The following ITPK1 variants were observed in gnomAD, a reference collection of about 807,000 sequenced individuals.
ITPK1 encodes inositol-tetrakisphosphate 1-kinase, also known as inositol 1,3,4-trisphosphate 5/6-kinase.
In ITPK1, 21 loss-of-function variants were observed where a neutral mutation model predicts 45.3. The observed-to-expected ratio is 0.46, with a 90% CI of 0.33 to 0.67. The LOEUF is 0.67. ITPK1 is among the 30% of genes least tolerant of loss of function. ITPK1 has a pLI of 0.02. For missense variants in ITPK1, 474 were observed against 573.5 expected, an observed-to-expected ratio of 0.83 and a Z score of 1.77; for synonymous variants, 258 against 253.6, an observed-to-expected ratio of 1.02 and a Z score of -0.16.
intron 2 of ITPK1, among the ~76,000 whole-genome samples, chr14:93,082,495 G>C (rs1891477813): frequency 6.6e-6 from 1 of 152,212 alleles, no homozygotes; most frequent in South Asian, 2.1e-4. Flanking sequence ...GAGAATCCTA[G>C]AACTCATCCC....
intron 3 of ITPK1, among the ~76,000 whole-genome samples, chr14:93,053,516 G>A (rs970793529): frequency 2.0e-5 from 3 of 152,258 alleles, no homozygotes; most frequent in African/African-American, 4.8e-5. Context: ...GCGGTGCAGA[G>A]GACTTTCACG....
intron 5 of ITPK1, among the ~76,000 whole-genome samples, chr14:92,986,698 CT>C (rs1372081776): frequency 6.6e-6 from 1 of 152,130 alleles, no homozygotes; most frequent in Non-Finnish European, 1.5e-5. Context: ...GAGGGGCCTT[CT>C]TGTTTTGCTG....
chr14:93,075,876 G>A (rs965470562), intron 3 of ITPK1, among the ~76,000 whole-genome samples: 1 of 152,136 alleles, frequency 6.6e-6, no homozygotes, highest in African/African-American at 2.4e-5. Flanking sequence ...CACCCTCCAC[G>A]GGGACAGCGT....
intron 10 of ITPK1, among the ~76,000 whole-genome samples, chr14:92,945,306 G>A (rs115876597): frequency 0.024 from 3,720 of 152,334 alleles, 147 homozygotes; most frequent in African/African-American, 0.085. Context: ...CTGCGCCTGC[G>A]CATGCTCTCA....
chr14:92,972,680 C>G lies in ITPK1; in HGVS notation c.365-9831G>C, dbSNP rs532953553. Among the ~76,000 whole-genome samples, 27 of 152,314 alleles carry G rather than the reference C, an allele frequency of 1.8e-4. No individual in the cohort carries two copies. The East Asian group carries it at 4.8e-3, about 27-fold the overall frequency. On this transcript the variant is annotated intron_variant, in intron 5 of 10. Coordinates refer to ENST00000267615, the MANE Select transcript of ITPK1 (RefSeq NM_014216.6). ...GATCTCAGCTCACTGCAACCTCCCC[C>G]TCCCGGTTCAAGCAATTCTCCTGCC...
intron 2 of ITPK1, among the ~76,000 whole-genome samples, chr14:93,093,165 A>G (rs542138509): frequency 6.6e-6 from 1 of 152,244 alleles, no homozygotes; most frequent in South Asian, 2.1e-4. Flanking sequence ...CTGACAGCAC[A>G]ACGGCAAATA....
At position 92,958,068 on chromosome 14, in the gene ITPK1, C is replaced by T. The variant is rs114735268; in HGVS notation, c.670+133G>A. On this transcript the variant is annotated intron_variant, in intron 8 of 10. Coordinates refer to ENST00000267615, the MANE Select transcript of ITPK1 (RefSeq NM_014216.6). The surrounding 1 kb of genome is among the most constrained non-coding windows in gnomAD (Gnocchi z 4.4). ...TATCCACCGTACACAACTGTTTCCA[C>T]CTTTAGAGCACCTCTCCATCCCACC... The T allele has an allele frequency of 2.1e-5, 17 of 822,400 alleles. No homozygotes were observed. The highest frequency in any genetic ancestry group is 3.2e-5 in the Non-Finnish European group (16 of 498,512). The allele number at this position is 822,400 out of a possible 1,614,324, so 50.9% of individuals were successfully genotyped here. A position where few individuals can be genotyped will look rare whatever the true frequency, so the allele number is the denominator to read the frequency against.
chr14:92,941,592 G>A lies in ITPK1; in HGVS notation c.1214C>T (p.Ala405Val), dbSNP rs772011440. The part of the protein sequence containing the change: ...VSPSFQQHCV[A>V]SLATKASSQ ...GGAGGAGGCCTTGGTGGCCAGGGAG[G>A]CCACACAATGCTGCTGGAAGCTGGG... is the stretch of plus-strand genomic sequence containing the variant. The change falls in exon 11 of 11, where the codon GCC becomes GTC. Residue 405 changes from alanine to valine, a missense_variant. Ala to Val is a moderately conservative substitution (Grantham distance 64, BLOSUM62 0). This residue lies in a region of ITPK1 where 107 missense variants were observed against 92.9 expected (regional missense o/e 1.15). Coordinates refer to ENST00000267615, the MANE Select transcript of ITPK1 (RefSeq NM_014216.6). The A allele has an allele frequency of 4.5e-5, 69 of 1,536,952 alleles. No homozygotes were observed. The highest frequency in any genetic ancestry group is 2.0e-4 in the South Asian group (17 of 83,288).
At chr14:92,956,121 CTT>C (rs5810617) in intron 8 of ITPK1, among the ~76,000 whole-genome samples, 121 of 139,088 alleles carry the variant, frequency 8.7e-4, no homozygotes, top group Non-Finnish European at 9.3e-4. Context: ...GCTTAGTCTG[CTT>C]TTTTTTTTTT....
Position 92,940,608 on chromosome 14 carries a change from G to A in ITPK1, c.*953C>T, listed in dbSNP as rs1011766812. 15 of 1,205,338 alleles carry A rather than the reference G, an allele frequency of 1.2e-5. No homozygotes were observed. The highest frequency in any genetic ancestry group is 3.2e-4 in the Middle Eastern group (1 of 3,136). The allele number at this position is 1,205,338 out of a possible 1,614,324, so 74.7% of individuals were successfully genotyped here. On this transcript the variant is annotated 3_prime_UTR_variant, in exon 11 of 11. Transcript: ENST00000267615. ...TCCATGGTGTCATGCCGAGGCTCCC[G>A]CGCCTATCCTCACCTAGGTGACTTT...
chr14:92,951,877 C>G (rs1887968748), intron 9 of ITPK1, 69 bp downstream of exon 9: 1 of 1,278,304 alleles, frequency 7.8e-7, no homozygotes, highest in African/African-American at 1.5e-5. Flanking sequence ...ACCCCATGGC[C>G]ACAGCAGCCC....
At chr14:93,019,042 A>G (rs1182811779) in intron 3 of ITPK1, among the ~76,000 whole-genome samples, 1 of 152,208 alleles carries the variant, frequency 6.6e-6, no homozygotes, top group African/African-American at 2.4e-5. Flanking sequence ...CAGACTCTGA[A>G]GGAAGGTAGA....
chr14:93,109,671 G>A (rs1892666127), intron 2 of ITPK1, among the ~76,000 whole-genome samples: 1 of 152,148 alleles, frequency 6.6e-6, no homozygotes, highest in African/African-American at 2.4e-5. Flanking sequence ...CTCCTGGGGG[G>A]CTGTAATATT....
chr14:93,101,094 T>C lies in ITPK1; in HGVS notation c.95+13975A>G, dbSNP rs146887559. 5.6e-3 allele frequency among the ~76,000 whole-genome samples: 845 copies of C among 152,194 alleles called. 10 individuals are homozygous for C. The highest frequency in any genetic ancestry group is 0.019 in the African/African-American group (799 of 41,492). ...AGGGCCCATCAACAAAAATAACTCA[T>C]CCTGGCCGGGATGGGGTCCACCAAT... On this transcript the variant is annotated intron_variant, in intron 2 of 10. Coordinates refer to ENST00000267615, the MANE Select transcript of ITPK1 (RefSeq NM_014216.6).
chr14:92,958,421 C>A lies in ITPK1; in HGVS notation c.505-55G>T. ...CAGAATCCACCACCTTCTCAGCCTC[C>A]AACACACAGGTGTGTCACCTGTCCA... is the stretch of plus-strand genomic sequence containing the variant. On this transcript the variant is annotated intron_variant, in intron 7 of 10. Transcript: ENST00000267615. This position sits in a 1 kb window ranked among gnomAD's most constrained non-coding sequence, Gnocchi z 4.4. 6.4e-7 allele frequency: 1 copy of A among 1,574,094 alleles called. No homozygotes were observed. The highest frequency in any genetic ancestry group is 2.2e-5 in the East Asian group (1 of 44,562).
intron 3 of ITPK1, among the ~76,000 whole-genome samples, chr14:93,037,656 C>T (rs1175859568): frequency 3.3e-5 from 5 of 152,132 alleles, no homozygotes; most frequent in South Asian, 2.1e-4. Context: ...AGGTGTGGTC[C>T]GGATGTTAAA....
rs1039242596 is a variant in ITPK1, at chr14:93,065,494, T to C, written c.120+11101A>G. 2.6e-5 allele frequency among the ~76,000 whole-genome samples: 4 copies of C among 152,316 alleles called. No individual in the cohort carries two copies. The East Asian group carries it at 7.7e-4, about 29-fold the overall frequency. ...GCATGACCTCACTCCTGGAACTCTATGAGACTGGGTCCATTATTATTTCCA... is the reference window on the plus strand; with the variant it reads ...GCATGACCTCACTCCTGGAACTCTACGAGACTGGGTCCATTATTATTTCCA... On this transcript the variant is annotated intron_variant, in intron 3 of 10. Transcript: ENST00000267615.
rs548883314 is a variant in ITPK1, at chr14:92,939,526, C to G, written c.*2035G>C. On this transcript the variant is annotated 3_prime_UTR_variant, in exon 11 of 11. Coordinates refer to ENST00000267615, the MANE Select transcript of ITPK1 (RefSeq NM_014216.6). ...CTCCCATGTAGCTCCCAGGCCTTTA[C>G]GAAGCAAATCTCCATCCTCCATCTC... 10 of 280,076 alleles carry G rather than the reference C, an allele frequency of 3.6e-5. No individual in the cohort carries two copies. Among genetic ancestry groups the G allele is most frequent in the Non-Finnish European group, 5.4e-5 (10 of 185,190 alleles). The allele number at this position is 280,076 out of a possible 1,614,324, so 17.3% of individuals were successfully genotyped here. A position where few individuals can be genotyped will look rare whatever the true frequency, so the allele number is the denominator to read the frequency against.
rs183717544 is a variant in ITPK1 at position 92,991,168 on chromosome 14, G to A, written c.364+2712C>T. Among the ~76,000 whole-genome samples the A allele has an allele frequency of 7.5e-4, 114 of 152,336 alleles. 1 individual carries two copies. The highest frequency in any genetic ancestry group is 2.6e-3 in the African/African-American group (108 of 41,582). ...TACAGTACGCCTGAAAGGGCTGAGTGCCTCCAGGAACAGCAGGCAGTTGAG... is the reference window on the plus strand; with the variant it reads ...TACAGTACGCCTGAAAGGGCTGAGTACCTCCAGGAACAGCAGGCAGTTGAG... On this transcript the variant is annotated intron_variant, in intron 5 of 10. Coordinates refer to ENST00000267615, the MANE Select transcript of ITPK1 (RefSeq NM_014216.6).
Sources: gnomAD v4.1 joint callset for allele counts (sites outside exome capture counted in the v4.1 genomes callset) on GRCh38, gnomAD v4.1.1 for gene constraint, gnomAD v4.1.1 regional missense constraint, Gnocchi (gnomAD v3.1) non-coding constraint, MANE v1.5 for transcripts, NCBI Gene and HGNC (gene_info 2026-07-23, HGNC 2026-07-21) for gene names.